Variants in ZPBP observed in about 807,000 individuals in gnomAD.
ZPBP encodes the protein zona pellucida-binding protein 1.
ZPBP carries 26 observed loss-of-function variants against 44.8 expected under a neutral mutation model. The ratio of observed to expected loss-of-function variants is 0.58; its 90% CI spans 0.43 to 0.81. The LOEUF is 0.81. ZPBP is among the 30% of genes least tolerant of loss of function. The pLI is 0.00. For synonymous variants in ZPBP, 174 were observed against 153.2 expected, an observed-to-expected ratio of 1.14 and a Z score of -1.00; for missense variants, 409 against 434.0, an observed-to-expected ratio of 0.94 and a Z score of 0.51.
At chr7:50,064,343 T>A (rs1385887454) in intron 3 of ZPBP, among the ~76,000 whole-genome samples, 2 of 152,030 alleles carry the variant, frequency 1.3e-5, no homozygotes, top group East Asian at 1.9e-4. Context: ...CGAGGTGAAA[T>A]CAAAATTGCT....
chr7:49,945,146 T>C (rs909234803), intron 7 of ZPBP, among the ~76,000 whole-genome samples: 1 of 152,180 alleles, frequency 6.6e-6, no homozygotes, highest in African/African-American at 2.4e-5. Context: ...CAGGTGTTCA[T>C]ATAGTTTCAA....
intron 2 of ZPBP, among the ~76,000 whole-genome samples, chr7:49,875,383 A>AAAAAAC: frequency 6.7e-6 from 1 of 149,542 alleles, no homozygotes; most frequent in Non-Finnish European, 1.5e-5. Flanking sequence ...AAAAAAAAAA[A>AAAAAAC]AAAAAAAAAA....
At chr7:50,048,282 T>C (rs1449408039) in intron 4 of ZPBP, among the ~76,000 whole-genome samples, 1 of 151,990 alleles carries the variant, frequency 6.6e-6, no homozygotes, top group Non-Finnish European at 1.5e-5. Flanking sequence ...ATTGGAGACA[T>C]CAATATCCCA....
In ZPBP at chr7:49,871,908, A is replaced by AACACAC. The variant is rs72332840; in HGVS notation, n.510-21400_510-21395dup. 9.5e-3 allele frequency among the ~76,000 whole-genome samples: 832 copies of AACACAC among 87,904 alleles called. 6 individuals are homozygous for AACACAC. The highest frequency in any genetic ancestry group is 0.019 in the South Asian group (37 of 1,992). 57.7% of individuals were successfully genotyped at this position (87,904 alleles called of 152,430 possible). On this transcript the variant is annotated intron_variant and non_coding_transcript_variant, in intron 2 of 2. Transcript: ENST00000465922. ...TTTTGTATGTATATGTGTGTATATA[A>AACACAC]ACACACACACACACACACACACACA...
At chr7:49,902,320 TG>T (rs916627822) in intron 1 of ZPBP, among the ~76,000 whole-genome samples, 3 of 152,016 alleles carry the variant, frequency 2.0e-5, no homozygotes, top group African/African-American at 4.8e-5. Context: ...CAAACAATTT[TG>T]GAATAGAATA....
Position 49,981,597 on chromosome 7 carries a change from ATATAAATTATATAATTATATTATAT to A in ZPBP, c.961+1720_961+1744del, listed in dbSNP as rs1562820114. 2.9e-3 allele frequency among the ~76,000 whole-genome samples: 69 copies of A among 23,636 alleles called. 2 individuals carry two copies. The highest frequency in any genetic ancestry group is 7.1e-3 in the East Asian group (3 of 422). The allele number at this position is 23,636 out of a possible 152,430, so 15.5% of individuals were successfully genotyped here. On this transcript the variant is annotated intron_variant, in intron 7 of 7. Transcript: ENST00000046087. ...TATATAAATTATATATTATATAATT[ATATAAATTATATAATTATATTATAT>A]TATATTATATTATATATTATATAAT...
chr7:49,930,425 A>C (rs1794407468), intron 1 of ZPBP, among the ~76,000 whole-genome samples: 1 of 152,246 alleles, frequency 6.6e-6, no homozygotes, highest in South Asian at 2.1e-4. Flanking sequence ...ATGGGTTTCA[A>C]ACAAAACCTT....
At chr7:49,996,260 G>A (rs959951085) in intron 6 of ZPBP, among the ~76,000 whole-genome samples, 5 of 152,178 alleles carry the variant, frequency 3.3e-5, no homozygotes, top group Admixed American at 6.5e-5. Context: ...GGGTTCTCCC[G>A]GCTGCTAAAT....
chr7:50,069,660 T>C (rs752425435), intron 3 of ZPBP, among the ~76,000 whole-genome samples: 3 of 152,162 alleles, frequency 2.0e-5, no homozygotes, highest in African/African-American at 7.2e-5. Flanking sequence ...TCTTTTTTTT[T>C]AAATTCTTTA....
intron 7 of ZPBP, among the ~76,000 whole-genome samples, chr7:49,979,025 A>T (rs1796657808): frequency 6.6e-6 from 1 of 152,096 alleles, no homozygotes; most frequent in Non-Finnish European, 1.5e-5. Flanking sequence ...TTAGCAACTC[A>T]CTAATTAATA....
chr7:50,008,533 A>T (rs1798418721), intron 6 of ZPBP, among the ~76,000 whole-genome samples: 1 of 152,056 alleles, frequency 6.6e-6, no homozygotes, highest in Non-Finnish European at 1.5e-5. Context: ...TCAAATTCAT[A>T]TGAAATCTCA....
At chr7:49,931,064 T>C (rs1200695428) in intron 1 of ZPBP, among the ~76,000 whole-genome samples, 1 of 152,224 alleles carries the variant, frequency 6.6e-6, no homozygotes, top group African/African-American at 2.4e-5. Context: ...CCTGCCACCA[T>C]GTAAGATGTG....
chr7:49,930,269 C>T (rs1794402289), intron 1 of ZPBP, among the ~76,000 whole-genome samples: 2 of 152,162 alleles, frequency 1.3e-5, no homozygotes, highest in African/African-American at 4.8e-5. Context: ...GCCACAAAAC[C>T]AAATTGTAAC....
intron 2 of ZPBP, among the ~76,000 whole-genome samples, chr7:49,859,495 G>C (rs1254077425): frequency 6.6e-6 from 1 of 151,760 alleles, no homozygotes; most frequent in Non-Finnish European, 1.5e-5. Context: ...TTTTTTTCTT[G>C]TTGTTCTTCA....
intron 1 of ZPBP, chr7:49,912,701 A>T (rs1218313261): frequency 8.5e-5 from 13 of 152,668 alleles, no homozygotes. Flanking sequence ...AATTACAGAC[A>T]TATCTCTAAT....
rs1029295134 is a variant in ZPBP, at chr7:49,907,237, T to C, written n.412-6022A>G. On this transcript the variant is annotated intron_variant and non_coding_transcript_variant, in intron 1 of 2. Transcript: ENST00000465922. ...ATAAATTAGAAATCACTGAAAATGA[T>C]TGACATAATGGCTGGAGGTGGGAGG... Among the ~76,000 whole-genome samples the C allele has an allele frequency of 8.5e-5, 13 of 152,152 alleles. 1 individual carries two copies. Among genetic ancestry groups the C allele is most frequent in the Non-Finnish European group, 1.9e-4 (13 of 68,014 alleles).
At chr7:49,973,126 T>A (rs1796366071) in intron 7 of ZPBP, among the ~76,000 whole-genome samples, 1 of 151,936 alleles carries the variant, frequency 6.6e-6, no homozygotes, top group South Asian at 2.1e-4. Context: ...GAAAGCCTAA[T>A]GACACTGGGG....
chr7:50,037,840 T>C (rs1218699549), intron 4 of ZPBP, among the ~76,000 whole-genome samples: 2 of 152,116 alleles, frequency 1.3e-5, no homozygotes, highest in African/African-American at 4.8e-5. Context: ...ACAGGGTTCT[T>C]TCCCCACCCA....
At chr7:50,015,379 T>C (rs572966354) in intron 6 of ZPBP, among the ~76,000 whole-genome samples, 5 of 152,108 alleles carry the variant, frequency 3.3e-5, no homozygotes, top group Non-Finnish European at 2.9e-5. Context: ...TAGAAAAGAT[T>C]GAAATTTCAT....
Sources: gnomAD v4.1 joint callset for allele counts (sites outside exome capture counted in the v4.1 genomes callset) on GRCh38, gnomAD v4.1.1 for gene constraint, MANE v1.5 for transcripts, NCBI Gene and HGNC (gene_info 2026-07-23, HGNC 2026-07-21) for gene names.